MINK1: variants seen among roughly 807,000 people sequenced by gnomAD.
The protein encoded by MINK1 is misshapen-like kinase 1.
A neutral mutation model predicts 178.4 loss-of-function variants in MINK1; 46 were observed. The observed-to-expected ratio is 0.26, with a 90% confidence interval of 0.20 to 0.33. The LOEUF is 0.33. Ranked by LOEUF, MINK1 falls within the 10% of genes least tolerant of loss-of-function variation. The pLI is 1.00. For synonymous variants in MINK1, 797 were observed against 709.7 expected (o/e 1.12, Z -1.96); for missense variants, 1,366 against 1,814.9 (o/e 0.75, Z 4.49).
At chr17:4,835,326 C>A (rs1909144961) in intron 1 of MINK1, among the ~76,000 whole-genome samples, 1 of 151,986 alleles carries the variant, frequency 6.6e-6, no homozygotes, top group African/African-American at 2.4e-5. Flanking sequence ...GACTAAAATA[C>A]AATAAAAAAT....
At chr17:4,893,738 C>G (rs1969121612) in intron 21 of MINK1, 141 bp downstream of exon 21, 3 of 1,249,880 alleles carry the variant, frequency 2.4e-6, no homozygotes, top group African/African-American at 3.0e-5. Context: ...GGTGCAGGTT[C>G]CTGTCTCTCT....
Position 4,895,435 on chromosome 17 carries a change from G to A in MINK1, c.3171G>A (p.Arg1057=), listed in dbSNP as rs561418332. ...GQGKVYGLIG[R]RRFQQMDVLE... ...GCAAGGTGTATGGACTCATTGGGCG[G>A]CGACGCTTCCAGCAGATGGATGTGC... The change falls in exon 26 of 32, where the codon CGG becomes CGA. Residue 1057 remains arginine (R), a synonymous_variant. Coordinates refer to ENST00000355280, the MANE Select transcript of MINK1 (RefSeq NM_153827.5). The surrounding 1 kb of genome is among the most constrained non-coding windows in gnomAD (Gnocchi z 4.3). 9.1e-5 allele frequency: 146 copies of A among 1,608,432 alleles called. 1 individual carries two copies. The South Asian group carries it at 9.6e-4, about 11-fold the overall frequency.
intron 1 of MINK1, among the ~76,000 whole-genome samples, chr17:4,848,483 C>T (rs1397870320): frequency 6.6e-6 from 1 of 152,202 alleles, no homozygotes; most frequent in African/African-American, 2.4e-5. Flanking sequence ...GCCTCAGCCT[C>T]CCAAGTAGCT....
rs199925209 is a variant in MINK1, at chr17:4,897,289, G to C, written c.*2G>C. 901 of 1,613,350 alleles carry C rather than the reference G, an allele frequency of 5.6e-4. 8 individuals are homozygous for C. The Middle Eastern group carries it at 0.016, about 29-fold the overall frequency. On this transcript the variant is annotated 3_prime_UTR_variant, in exon 32 of 32. Coordinates refer to ENST00000355280, the MANE Select transcript of MINK1 (RefSeq NM_153827.5). ...CGTAACTGCATCATGAACTGGTGAC[G>C]GGGCCCTGGGCTGGGGCTGTCCCAC...
chr17:4,870,272 A>G (rs1305983366), intron 1 of MINK1, among the ~76,000 whole-genome samples: 2 of 115,944 alleles, frequency 1.7e-5, no homozygotes, highest in African/African-American at 6.8e-5. Flanking sequence ...TGGTTTCACT[A>G]TGTTGCCCAG....
intron 1 of MINK1, among the ~76,000 whole-genome samples, chr17:4,850,525 C>CG (rs549352310): frequency 1.3e-5 from 2 of 150,694 alleles, no homozygotes; most frequent in Non-Finnish European, 3.0e-5. Flanking sequence ...GCTGGCCCCC[C>CG]CCGCCCTCTA....
chr17:4,884,550 T>A, intron 5 of MINK1, 77 bp downstream of exon 5: 30 of 1,094,496 alleles, frequency 2.7e-5, no homozygotes, highest in Non-Finnish European at 3.9e-5. Context: ...AGATCCTCCC[T>A]GCGCTGGGAG....
intron 4 of MINK1, 132 bp downstream of exon 4, chr17:4,881,389 G>A (rs1567600921): frequency 3.8e-6 from 4 of 1,054,324 alleles, no homozygotes; most frequent in East Asian, 2.6e-5. Flanking sequence ...AGCCTCCCCT[G>A]TCCCTGGACC....
chr17:4,890,684 C>T lies in MINK1; in HGVS notation c.1515C>T (p.Tyr505=). 1.3e-6 allele frequency: 2 copies of T among 1,550,652 alleles called. No individual in the cohort carries two copies. The highest frequency in any genetic ancestry group is 1.7e-6 in the Non-Finnish European group (2 of 1,146,878). The part of the protein sequence containing the change: ...QLLPGDRKPL[Y]HYGRGMNPAD... The stretch of plus-strand genomic sequence containing the variant: ...TGCCTGGGGACAGGAAGCCCCTGTA[C>T]CATTATGGTCGGGGCATGAATCCCG... Residue 505 remains tyrosine, a synonymous_variant, in exon 14 of 32, where the codon TAC becomes TAT. Transcript: ENST00000355280.
At chr17:4,837,260 C>A (rs954597638) in intron 1 of MINK1, among the ~76,000 whole-genome samples, 1 of 152,104 alleles carries the variant, frequency 6.6e-6, no homozygotes, top group African/African-American at 2.4e-5. Flanking sequence ...TTTTTGTATC[C>A]CCAGTGCCTG....
chr17:4,877,512 AG>A (rs1216107306), intron 1 of MINK1, among the ~76,000 whole-genome samples: 3 of 152,308 alleles, frequency 2.0e-5, no homozygotes, highest in African/African-American at 7.2e-5. Context: ...GAAGGACAAA[AG>A]GATGGTGGCC....
chr17:4,834,917 A>G (rs1909073541), intron 1 of MINK1: 1 of 511,694 alleles, frequency 2.0e-6, no homozygotes, highest in African/African-American at 1.9e-5. Context: ...AATTGAAGAG[A>G]GCAGAGTCAT....
intron 1 of MINK1, among the ~76,000 whole-genome samples, chr17:4,874,635 A>T (rs1390796248): frequency 6.6e-6 from 1 of 152,060 alleles, no homozygotes; most frequent in African/African-American, 2.4e-5. Context: ...GAGGAGGAGG[A>T]GGATTAGGCA....
intron 1 of MINK1, chr17:4,860,709 A>G (rs1378227679): frequency 3.8e-6 from 2 of 519,828 alleles, no homozygotes; most frequent in African/African-American, 3.9e-5. Context: ...CAAAGAAGCA[A>G]GGGCTCAAGG....
intron 15 of MINK1, 113 bp from the exon 16 acceptor site, chr17:4,891,343 G>A: frequency 7.2e-7 from 1 of 1,386,374 alleles, no homozygotes; most frequent in African/African-American, 1.5e-5. Context: ...GGAACCCCTT[G>A]TCCTTCAATG....
At chr17:4,867,540 C>A (rs1372886028) in intron 1 of MINK1, among the ~76,000 whole-genome samples, 1 of 151,988 alleles carries the variant, frequency 6.6e-6, no homozygotes, top group African/African-American at 2.4e-5. Context: ...TGGCTCACGC[C>A]TATAATCCCA....
At chr17:4,889,246 G>C (rs1365220231) in intron 12 of MINK1, among the ~76,000 whole-genome samples, 2 of 152,176 alleles carry the variant, frequency 1.3e-5, no homozygotes, top group Admixed American at 6.5e-5. Context: ...ACGGGCACCT[G>C]GTGCCCTCTT....
intron 4 of MINK1, among the ~76,000 whole-genome samples, chr17:4,884,028 C>CTT (rs1057478222): frequency 2.5e-4 from 33 of 131,900 alleles, no homozygotes; most frequent in East Asian, 4.2e-4. Context: ...TCCTTCTCCT[C>CTT]TTTTTTTTTT....
intron 1 of MINK1, chr17:4,834,661 A>C (rs530475567): frequency 2.1e-6 from 1 of 465,650 alleles, no homozygotes; most frequent in African/African-American, 2.0e-5. Context: ...TTAAGGGGCA[A>C]CTTAGTGATT....
Sources: allele counts gnomAD v4.1 joint callset (sites outside exome capture counted in the v4.1 genomes callset), GRCh38; gene constraint gnomAD v4.1.1; non-coding constraint Gnocchi (gnomAD v3.1); transcripts MANE v1.5; gene names NCBI Gene and HGNC (gene_info 2026-07-23, HGNC 2026-07-21).